The following AGK variants were observed in gnomAD, a reference collection of about 807,000 sequenced individuals.
AGK encodes the protein acylglycerol kinase, also known as acylglycerol kinase, mitochondrial.
A neutral mutation model predicts 66.4 loss-of-function variants in AGK; 52 were observed. The observed-to-expected ratio is 0.78, with a 90% CI of 0.63 to 0.99. AGK has a LOEUF of 0.99. Ranked by LOEUF, AGK falls within the 50% of genes least tolerant of loss-of-function variation. The pLI is 0.00. For missense variants in AGK, 451 were observed against 506.6 expected (o/e 0.89, Z 1.05); for synonymous variants, 182 against 181.1 (o/e 1.00, Z -0.04).
Position 141,655,101 on chromosome 7 carries a change from TTTC to T in AGK, c.*2180_*2182del, listed in dbSNP as rs747838602. ...ATCAAGGACCAGTGCAGAATCTGGC[TTTC>T]TTTTCTGATAGGCTACCAGTGTGTG... is the stretch of plus-strand genomic sequence containing the variant. On this transcript the variant is annotated 3_prime_UTR_variant, in exon 16 of 16. Transcript: ENST00000649286. 3.3e-5 allele frequency: 5 copies of T among 152,246 alleles called. No homozygotes were observed. The highest frequency in any genetic ancestry group is 5.9e-5 in the Non-Finnish European group (4 of 68,044). 9.4% of individuals were successfully genotyped at this position (152,246 alleles called of 1,614,324 possible).
chr7:141,601,178 T>A, intron 4 of AGK, 27 bp from the exon 5 acceptor site: 1 of 1,553,650 alleles, frequency 6.4e-7, no homozygotes, highest in Non-Finnish European at 8.9e-7. Flanking sequence ...TGTGTTAAAA[T>A]GTTTATATTT....
intron 13 of AGK, among the ~76,000 whole-genome samples, chr7:141,647,522 G>A (rs550598832): frequency 3.9e-5 from 6 of 152,232 alleles, no homozygotes; most frequent in African/African-American, 1.4e-4. Flanking sequence ...CTCATCCCCG[G>A]ATTAGGGGTT....
chr7:141,563,666 G>T (rs12703388), intron 2 of AGK, among the ~76,000 whole-genome samples: 4,473 of 152,188 alleles, frequency 0.029, 108 homozygotes, highest in South Asian at 0.14. Context: ...ATCATCACTT[G>T]CTCCTGTTCC....
intron 9 of AGK, among the ~76,000 whole-genome samples, chr7:141,631,802 G>A (rs1011205087): frequency 1.3e-5 from 2 of 152,156 alleles, no homozygotes; most frequent in African/African-American, 4.8e-5. Context: ...TAACACCAAA[G>A]TCATTCAAAG....
rs929859956 is a variant in AGK, at chr7:141,633,828, G to T, written c.589-73G>T. 4 of 1,322,670 alleles carry T rather than the reference G, an allele frequency of 3.0e-6. No homozygotes were observed. In the African/African-American group the frequency reaches 5.8e-5, roughly 19 times the overall value. The allele number at this position is 1,322,670 out of a possible 1,614,324, so 81.9% of individuals were successfully genotyped here. ...GATGAAAAGTAGGCCATGAACATTTGCTGAGTACTTAGATGTAAAGAGTTC... is the reference window on the plus strand; with the variant it reads ...GATGAAAAGTAGGCCATGAACATTTTCTGAGTACTTAGATGTAAAGAGTTC... On this transcript the variant is annotated intron_variant, in intron 9 of 15. Coordinates refer to ENST00000649286, the MANE Select transcript of AGK (RefSeq NM_018238.4).
intron 4 of AGK, among the ~76,000 whole-genome samples, chr7:141,597,546 G>A (rs913927799): frequency 1.3e-5 from 2 of 151,912 alleles, no homozygotes; most frequent in Admixed American, 6.6e-5. Context: ...CCCTAATGTC[G>A]AGAACAATTC....
chr7:141,631,101 G>A (rs1797046496), intron 9 of AGK, among the ~76,000 whole-genome samples: 1 of 152,070 alleles, frequency 6.6e-6, no homozygotes, highest in African/African-American at 2.4e-5. Flanking sequence ...TCATGTAAAA[G>A]CTTTATGAGG....
chr7:141,604,776 G>T (rs1796421995), intron 5 of AGK, among the ~76,000 whole-genome samples: 1 of 151,680 alleles, frequency 6.6e-6, no homozygotes, highest in Non-Finnish European at 1.5e-5. Context: ...TAGAGACAAG[G>T]TTTTACCATG....
intron 3 of AGK, among the ~76,000 whole-genome samples, chr7:141,595,701 A>T (rs1382096044): frequency 6.6e-6 from 1 of 152,058 alleles, no homozygotes; most frequent in African/African-American, 2.4e-5. Context: ...GTACTTTCCT[A>T]TTCTTTTTGT....
chr7:141,604,686 C>T (rs1200494645), intron 5 of AGK, among the ~76,000 whole-genome samples: 1 of 149,298 alleles, frequency 6.7e-6, no homozygotes, highest in South Asian at 2.1e-4. Context: ...CGGGTTCAAG[C>T]GATTCTCCTG....
intron 2 of AGK, among the ~76,000 whole-genome samples, chr7:141,556,911 A>G (rs2116847454): frequency 6.6e-6 from 1 of 152,356 alleles, no homozygotes; most frequent in South Asian, 2.1e-4. Context: ...AGAAAGTGCC[A>G]GAGCTCCTCT....
intron 8 of AGK, among the ~76,000 whole-genome samples, chr7:141,620,349 C>T: frequency 6.6e-6 from 1 of 152,116 alleles, no homozygotes; most frequent in East Asian, 1.9e-4. Context: ...ATAAATCTAA[C>T]TTTAAAAAAG....
intron 2 of AGK, among the ~76,000 whole-genome samples, chr7:141,574,250 A>G (rs2116883366): frequency 6.6e-6 from 1 of 152,306 alleles, no homozygotes; most frequent in Admixed American, 6.5e-5. Flanking sequence ...ATCATTGAAA[A>G]AATGGCTGGT....
chr7:141,592,939 G>A (rs189171334), intron 2 of AGK, among the ~76,000 whole-genome samples: 7 of 151,486 alleles, frequency 4.6e-5, no homozygotes, highest in Admixed American at 4.6e-4. Context: ...CCTGACCTCA[G>A]GTGATCTGCC....
Position 141,607,350 on chromosome 7 carries a change from A to G in AGK, c.298-3845A>G, listed in dbSNP as rs1796486647. On this transcript the variant is annotated intron_variant, in intron 5 of 15. Transcript: ENST00000649286. ...TGTTTTGGATTTTAGCCACTGAAAT[A>G]AATGTATAATGAAATCTCATTGTTT... Among the ~76,000 whole-genome samples the G allele has an allele frequency of 2.6e-5, 4 of 152,186 alleles. No homozygotes were observed. The South Asian group carries it at 8.3e-4, about 32-fold the overall frequency.
chr7:141,629,820 A>G (rs551293885), intron 9 of AGK, among the ~76,000 whole-genome samples: 41 of 152,128 alleles, frequency 2.7e-4, no homozygotes, highest in African/African-American at 9.6e-4. Context: ...GGGTTAGAGG[A>G]TCAGTCGGCA....
At chr7:141,586,915 G>A (rs976562644) in intron 2 of AGK, among the ~76,000 whole-genome samples, 2 of 152,044 alleles carry the variant, frequency 1.3e-5, no homozygotes, top group Non-Finnish European at 1.5e-5. Context: ...CACCCTACTC[G>A]TATAGATCAT....
chr7:141,627,717 G>A (rs1796968943), intron 9 of AGK, among the ~76,000 whole-genome samples: 1 of 152,062 alleles, frequency 6.6e-6, no homozygotes, highest in African/African-American at 2.4e-5. Flanking sequence ...GCCTAAGAAA[G>A]GTACTACAGA....
At chr7:141,617,467 A>G (rs1350215627) in intron 8 of AGK, among the ~76,000 whole-genome samples, 2 of 152,226 alleles carry the variant, frequency 1.3e-5, no homozygotes, top group African/African-American at 2.4e-5. Flanking sequence ...AGAGTTCTGT[A>G]GGCCTCATAA....
Sources: gnomAD v4.1 joint callset for allele counts (sites outside exome capture counted in the v4.1 genomes callset) on GRCh38, gnomAD v4.1.1 for gene constraint, MANE v1.5 for transcripts, NCBI Gene and HGNC (gene_info 2026-07-23, HGNC 2026-07-21) for gene names.